GMDS: variants seen among roughly 807,000 people sequenced by gnomAD.
GMDS encodes the protein GDP-mannose 4,6 dehydratase.
In GMDS, 20 loss-of-function variants were observed where a neutral mutation model predicts 49.9. The observed-to-expected ratio is 0.40, with a 90% CI of 0.28 to 0.58. The LOEUF (loss-of-function observed/expected upper bound fraction) is 0.58, where lower values mean the gene tolerates loss of function less well. Ranked by LOEUF, GMDS falls within the 20% of genes least tolerant of loss-of-function variation. GMDS has a pLI of 0.42. For synonymous variants in GMDS, 177 were observed against 178.6 expected (o/e 0.99, Z 0.07); for missense variants, 362 against 481.4 (o/e 0.75, Z 2.32).
rs1756939750 is a variant in GMDS at position 1,836,597 on chromosome 6, T to A, written c.771+93506A>T. Among the ~76,000 whole-genome samples the A allele has an allele frequency of 6.6e-6, 1 of 152,266 alleles. No homozygotes were observed. On this transcript the variant is annotated intron_variant, in intron 7 of 10. Coordinates refer to ENST00000380815, the MANE Select transcript of GMDS (RefSeq NM_001500.4). This position sits in a 1 kb window ranked among gnomAD's most constrained non-coding sequence, Gnocchi z 4.2. ...AATGACATCTACTAACTACATCAGT[T>A]TGCAGAAAAATATTCTTACGAAAAT...
At chr6:2,040,538 CAT>C (rs1769612885) in intron 4 of GMDS, among the ~76,000 whole-genome samples, 1 of 152,152 alleles carries the variant, frequency 6.6e-6, no homozygotes, top group African/African-American at 2.4e-5. Context: ...ATTCATTATT[CAT>C]ATGTTCCTTT....
chr6:1,738,649 CACA>C (rs569013548), intron 8 of GMDS, among the ~76,000 whole-genome samples: 129 of 152,232 alleles, frequency 8.5e-4, no homozygotes, highest in African/African-American at 2.8e-3. Flanking sequence ...GGACACAAAG[CACA>C]ACAAGTAGAA....
chr6:2,125,359 A>G (rs1031395296), intron 1 of GMDS, among the ~76,000 whole-genome samples: 2 of 152,158 alleles, frequency 1.3e-5, no homozygotes, highest in African/African-American at 4.8e-5. Flanking sequence ...AAACTCCTGG[A>G]CACAAGTGAT....
chr6:2,084,248 C>T (rs1772878229), intron 4 of GMDS, among the ~76,000 whole-genome samples: 1 of 152,144 alleles, frequency 6.6e-6, no homozygotes, highest in South Asian at 2.1e-4. Context: ...GTAGAGGCAT[C>T]TGCGTTTGAG....
chr6:1,667,775 C>G (rs1456617850), intron 9 of GMDS, among the ~76,000 whole-genome samples: 1 of 148,088 alleles, frequency 6.8e-6, no homozygotes, highest in African/African-American at 2.5e-5. Flanking sequence ...TTCTTCTTCT[C>G]AAATGTTTGC....
intron 1 of GMDS, among the ~76,000 whole-genome samples, chr6:2,161,974 G>GA (rs762163376): frequency 3.7e-4 from 56 of 152,072 alleles, no homozygotes; most frequent in Admixed American, 1.7e-3. Flanking sequence ...AATTCACTCA[G>GA]AAAAAAACAG....
intron 9 of GMDS, among the ~76,000 whole-genome samples, chr6:1,695,445 T>A (rs1288721771): frequency 6.6e-6 from 1 of 152,218 alleles, no homozygotes. Context: ...AATGCACTAT[T>A]TTTCATCTGA....
At chr6:1,685,963 TTCTC>T (rs1422515016) in intron 9 of GMDS, among the ~76,000 whole-genome samples, 1 of 152,212 alleles carries the variant, frequency 6.6e-6, no homozygotes, top group Non-Finnish European at 1.5e-5. Flanking sequence ...GAATCTTAAT[TTCTC>T]TCTAGCATTC....
rs1026773462 is a variant in GMDS at position 1,778,542 on chromosome 6, T to C, written c.772-35956A>G. On this transcript the variant is annotated intron_variant, in intron 7 of 10. Transcript: ENST00000380815. The surrounding 1 kb of genome is among the most constrained non-coding windows in gnomAD (Gnocchi z 4.6). ...GGAGTGTTCCAAGATCTAAAATAGG[T>C]TAGTTTGTAAAACATGCCATAAAAC... Among the ~76,000 whole-genome samples, 2 of 152,156 alleles carry C rather than the reference T, an allele frequency of 1.3e-5. No homozygotes were observed. The highest frequency in any genetic ancestry group is 2.4e-5 in the African/African-American group (1 of 41,436).
chr6:1,942,510 A>G (rs565424215), intron 6 of GMDS, among the ~76,000 whole-genome samples: 1 of 152,330 alleles, frequency 6.6e-6, no homozygotes, highest in African/African-American at 2.4e-5. Flanking sequence ...GGACTGGTTG[A>G]GGGAGTGGAA....
At chr6:1,973,120 T>C (rs186357649) in intron 4 of GMDS, among the ~76,000 whole-genome samples, 26 of 152,334 alleles carry the variant, frequency 1.7e-4, no homozygotes, top group Admixed American at 1.6e-3. Flanking sequence ...ATCAGCCATT[T>C]TGAAATCTGC....
At chr6:1,887,624 C>T (rs554596331) in intron 7 of GMDS, among the ~76,000 whole-genome samples, 2 of 152,284 alleles carry the variant, frequency 1.3e-5, no homozygotes, top group East Asian at 3.9e-4. Context: ...TTAAGATTTG[C>T]TCTTCTAAAC....
intron 4 of GMDS, among the ~76,000 whole-genome samples, chr6:2,072,622 C>A (rs1184055898): frequency 3.3e-5 from 5 of 152,160 alleles, no homozygotes; most frequent in East Asian, 1.9e-4. Context: ...AATCTTCTTA[C>A]AATTTCATCA....
intron 7 of GMDS, among the ~76,000 whole-genome samples, chr6:1,906,420 T>G (rs1760778308): frequency 6.6e-6 from 1 of 152,216 alleles, no homozygotes; most frequent in African/African-American, 2.4e-5. Flanking sequence ...TAATTGCTGT[T>G]AAGTAAAATA....
At chr6:1,955,627 T>C (rs910665451) in intron 6 of GMDS, among the ~76,000 whole-genome samples, 2 of 152,136 alleles carry the variant, frequency 1.3e-5, no homozygotes, top group East Asian at 1.9e-4. Context: ...TCGCAGATTA[T>C]TGGCTCTATT....
chr6:1,964,625 CA>C (rs1356677759), intron 4 of GMDS, among the ~76,000 whole-genome samples: 16 of 152,144 alleles, frequency 1.1e-4, no homozygotes, highest in African/African-American at 2.7e-4. Flanking sequence ...GGAAGCTGTA[CA>C]ACATGAAAGT....
chr6:2,051,524 A>G (rs999961780), intron 4 of GMDS, among the ~76,000 whole-genome samples: 1 of 152,208 alleles, frequency 6.6e-6, no homozygotes, highest in African/African-American at 2.4e-5. Context: ...TGTTAGGCTT[A>G]TTATATATAA....
At chr6:1,659,848 T>C (rs1194297807) in intron 9 of GMDS, among the ~76,000 whole-genome samples, 1 of 149,244 alleles carries the variant, frequency 6.7e-6, no homozygotes, top group African/African-American at 2.5e-5. Context: ...TCATAATTGT[T>C]ACATAATATC....
At chr6:1,764,708 G>A (rs1472776767) in intron 7 of GMDS, among the ~76,000 whole-genome samples, 2 of 152,102 alleles carry the variant, frequency 1.3e-5, no homozygotes, top group Non-Finnish European at 2.9e-5. Context: ...ACATAAAAAC[G>A]CTGCATTTTT....
Sources: allele counts gnomAD v4.1 joint callset (sites outside exome capture counted in the v4.1 genomes callset), GRCh38; gene constraint gnomAD v4.1.1; non-coding constraint Gnocchi (gnomAD v3.1); transcripts MANE v1.5; gene names NCBI Gene and HGNC (gene_info 2026-07-23, HGNC 2026-07-21).